CATSPERE: variants seen among roughly 807,000 people sequenced by gnomAD.
The protein encoded by CATSPERE is cation channel sperm-associated auxiliary subunit epsilon.
In CATSPERE, 93 loss-of-function variants were observed where a neutral mutation model predicts 114.1. That is an observed-to-expected ratio of 0.81 (90% CI 0.69 to 0.97). The LOEUF (loss-of-function observed/expected upper bound fraction) is 0.97. Among genes scored for constraint, CATSPERE ranks in the 50% least tolerant of loss-of-function variants. CATSPERE has a pLI of 0.00. For synonymous variants in CATSPERE, 341 were observed against 384.1 expected (o/e 0.89, Z 1.31); for missense variants, 1,058 against 1,131.6 (o/e 0.93, Z 0.93).
chr1:244,564,246 G>A (rs888927160), intron 10 of CATSPERE, among the ~76,000 whole-genome samples: 9 of 152,042 alleles, frequency 5.9e-5, no homozygotes, highest in African/African-American at 1.9e-4. Context: ...CTCTTTTTTG[G>A]TTCCATATGA....
At chr1:244,486,032 G>A (rs1377915825) in intron 5 of CATSPERE, among the ~76,000 whole-genome samples, 1 of 152,050 alleles carries the variant, frequency 6.6e-6, no homozygotes, top group Non-Finnish European at 1.5e-5. Flanking sequence ...AGAGGTAATT[G>A]CTATACTCTT....
chr1:244,634,975 G>C (rs1674439840), intron 20 of CATSPERE, among the ~76,000 whole-genome samples: 1 of 152,164 alleles, frequency 6.6e-6, no homozygotes, highest in Admixed American at 6.5e-5. Context: ...CTTCCAAGTA[G>C]CTGTGACTAC....
chr1:244,508,985 CAAAA>C (rs56987777), intron 7 of CATSPERE, among the ~76,000 whole-genome samples: 1 of 138,718 alleles, frequency 7.2e-6, no homozygotes, highest in Admixed American at 7.4e-5. Flanking sequence ...CTTCCCCCAC[CAAAA>C]AAAAAAAAAA....
At chr1:244,519,732 G>T (rs1008116327) in intron 8 of CATSPERE, among the ~76,000 whole-genome samples, 4 of 152,176 alleles carry the variant, frequency 2.6e-5, no homozygotes, top group African/African-American at 9.6e-5. Flanking sequence ...GTTAGAAAAT[G>T]AATGAATGGA....
intron 5 of CATSPERE, 43 bp downstream of exon 5, chr1:244,479,827 G>A: frequency 5.5e-6 from 6 of 1,094,664 alleles, no homozygotes; most frequent in Non-Finnish European, 7.8e-6. Flanking sequence ...CTTTTAAAGA[G>A]TATTTAGCTT....
intron 8 of CATSPERE, among the ~76,000 whole-genome samples, chr1:244,546,025 A>T (rs1328925135): frequency 1.3e-5 from 2 of 152,144 alleles, no homozygotes; most frequent in Non-Finnish European, 2.9e-5. Flanking sequence ...AGGAACATAG[A>T]CCCTTTCTGG....
At chr1:244,500,702 A>G (rs568233348) in intron 7 of CATSPERE, among the ~76,000 whole-genome samples, 11 of 152,206 alleles carry the variant, frequency 7.2e-5, no homozygotes, top group South Asian at 2.1e-4. Context: ...CCATTGGTCT[A>G]TATATCTGTT....
chr1:244,637,558 C>T (rs1674784681), intron 21 of CATSPERE, among the ~76,000 whole-genome samples: 1 of 152,190 alleles, frequency 6.6e-6, no homozygotes, highest in African/African-American at 2.4e-5. Context: ...ACACCCACCG[C>T]AACCCCCCTT....
upstream of CATSPERE, chr1:244,451,604 C>A (rs748095946): frequency 7.0e-6 from 11 of 1,581,518 alleles, no homozygotes; most frequent in Non-Finnish European, 9.5e-6. The surrounding 1 kb of genome is among the most constrained non-coding windows in gnomAD (Gnocchi z 6.6). Flanking sequence ...CTCCCGGGCC[C>A]GGCTTCCCAT....
intron 8 of CATSPERE, among the ~76,000 whole-genome samples, chr1:244,543,448 G>A (rs1202943464): frequency 3.3e-5 from 5 of 151,868 alleles, no homozygotes; most frequent in African/African-American, 1.2e-4. Flanking sequence ...CCTCGTAGAA[G>A]TAGAGAGTAG....
intron 13 of CATSPERE, among the ~76,000 whole-genome samples, chr1:244,586,769 C>G (rs760239435): frequency 6.6e-6 from 1 of 152,118 alleles, no homozygotes; most frequent in Non-Finnish European, 1.5e-5. Flanking sequence ...ATGCATAAGG[C>G]AGAACGCAAG....
intron 6 of CATSPERE, among the ~76,000 whole-genome samples, chr1:244,492,097 G>A (rs1572380976): frequency 6.6e-6 from 1 of 152,132 alleles, no homozygotes; most frequent in South Asian, 2.1e-4. Context: ...CATTTTATGA[G>A]GCCAGCATCA....
At chr1:244,542,309 C>T (rs371096545) in intron 8 of CATSPERE, among the ~76,000 whole-genome samples, 7 of 152,256 alleles carry the variant, frequency 4.6e-5, no homozygotes, top group Admixed American at 6.5e-5. Context: ...GACTCTACCA[C>T]GCCTTGATGC....
chr1:244,468,659 C>T (rs1442599442), intron 2 of CATSPERE, among the ~76,000 whole-genome samples: 2 of 152,110 alleles, frequency 1.3e-5, no homozygotes, highest in Non-Finnish European at 2.9e-5. Context: ...TGGCTTATGC[C>T]TGTAATCCCA....
Position 244,523,420 on chromosome 1 carries a change from C to A in CATSPERE, c.536+4722C>A, listed in dbSNP as rs998940053. ...AAACTGGAAGCATTCCCTTTGAAAA[C>A]TGGCACAAGACAGGGATGCCCTCTC... On this transcript the variant is annotated intron_variant, in intron 8 of 21. Transcript: ENST00000366534. Among the ~76,000 whole-genome samples the A allele has an allele frequency of 9.3e-5, 13 of 140,050 alleles. 1 individual carries two copies. The highest frequency in any genetic ancestry group is 3.6e-4 in the African/African-American group (12 of 33,146). The allele number at this position is 140,050 out of a possible 152,430, so 91.9% of individuals were successfully genotyped here.
chr1:244,513,742 G>A (rs1217309915), intron 7 of CATSPERE, among the ~76,000 whole-genome samples: 1 of 152,048 alleles, frequency 6.6e-6, no homozygotes, highest in African/African-American at 2.4e-5. Flanking sequence ...CAGATGGTGT[G>A]CATGGGCACT....
chr1:244,558,996 C>T (rs1432316092), intron 9 of CATSPERE, among the ~76,000 whole-genome samples: 1 of 152,172 alleles, frequency 6.6e-6, no homozygotes, highest in Non-Finnish European at 1.5e-5. Flanking sequence ...GACTTACTAC[C>T]TTACATTTTG....
At chr1:244,483,659 A>C (rs1558341561) in intron 5 of CATSPERE, among the ~76,000 whole-genome samples, 1 of 152,046 alleles carries the variant, frequency 6.6e-6, no homozygotes, top group South Asian at 2.1e-4. Flanking sequence ...CTTTTGAGTT[A>C]TTTTTATTTT....
At chr1:244,470,629 T>C (rs1668325845) in intron 2 of CATSPERE, among the ~76,000 whole-genome samples, 2 of 152,338 alleles carry the variant, frequency 1.3e-5, no homozygotes, top group South Asian at 4.1e-4. Context: ...AACATAGTGT[T>C]ACCAATATGT....
Sources: allele counts gnomAD v4.1 joint callset (sites outside exome capture counted in the v4.1 genomes callset), GRCh38; gene constraint gnomAD v4.1.1; non-coding constraint Gnocchi (gnomAD v3.1); transcripts MANE v1.5; gene names NCBI Gene and HGNC (gene_info 2026-07-23, HGNC 2026-07-21).